DPP6: variants seen among roughly 807,000 people sequenced by gnomAD.
DPP6 encodes dipeptidyl peptidase like 6.
Under a neutral mutation model 122.6 loss-of-function variants are expected in DPP6, and 69 were observed. That is an observed-to-expected ratio of 0.56 (90% CI 0.46 to 0.69). The LOEUF (loss-of-function observed/expected upper bound fraction) is 0.69, where lower values mean the gene tolerates loss of function less well. Ranked by LOEUF, DPP6 falls within the 30% of genes least tolerant of loss-of-function variation. The pLI is 0.00. For synonymous variants in DPP6, 418 were observed against 433.1 expected (o/e 0.97, Z 0.43); for missense variants, 928 against 1,116.9 (o/e 0.83, Z 2.41).
At chr7:154,794,794 A>T (rs1019773500) in intron 11 of DPP6, among the ~76,000 whole-genome samples, 1 of 4,558 alleles carries the variant, frequency 2.2e-4, no homozygotes, top group Non-Finnish European at 5.7e-4. Flanking sequence ...CCACGGCCTC[A>T]CCCTCGCCCC....
At chr7:154,296,841 T>C (rs1805571871) in intron 1 of DPP6, among the ~76,000 whole-genome samples, 1 of 152,240 alleles carries the variant, frequency 6.6e-6, no homozygotes, top group South Asian at 2.1e-4. Flanking sequence ...TAGAATTGGA[T>C]ACTGAGCCCT....
At chr7:153,917,682 A>G (rs1464873427) in intron 1 of DPP6, among the ~76,000 whole-genome samples, 1 of 152,208 alleles carries the variant, frequency 6.6e-6, no homozygotes, top group Non-Finnish European at 1.5e-5. Flanking sequence ...CTTCTCGAAG[A>G]TTCAAATTTC....
At chr7:154,846,208 TATAA>T (rs1801933322) in intron 16 of DPP6, among the ~76,000 whole-genome samples, 2 of 150,060 alleles carry the variant, frequency 1.3e-5, no homozygotes, top group African/African-American at 4.9e-5. Context: ...TATAAATATA[TATAA>T]ATAAATTATA....
chr7:154,629,703 A>T (rs1586767595), intron 5 of DPP6, among the ~76,000 whole-genome samples: 1 of 152,220 alleles, frequency 6.6e-6, no homozygotes, highest in Non-Finnish European at 1.5e-5. Context: ...GCATGCACCC[A>T]TTCCAGAGGA....
chr7:153,922,551 C>T (rs1800688061), intron 1 of DPP6, among the ~76,000 whole-genome samples: 1 of 152,176 alleles, frequency 6.6e-6, no homozygotes, highest in South Asian at 2.1e-4. Context: ...ACCAGCTTAA[C>T]TGCATTTCTC....
chr7:154,646,533 A>G (rs1317785003), intron 6 of DPP6, among the ~76,000 whole-genome samples: 1 of 152,194 alleles, frequency 6.6e-6, no homozygotes. Context: ...AAAAAACCTG[A>G]ATGCTGAGAG....
chr7:154,160,629 G>T (rs3115185), intron 1 of DPP6, among the ~76,000 whole-genome samples: 17 of 152,128 alleles, frequency 1.1e-4, no homozygotes, highest in South Asian at 4.2e-4. Flanking sequence ...TGCTGAGGAG[G>T]GGGTGGGAAA....
chr7:153,823,249 T>C, the DPP6 span, among the ~76,000 whole-genome samples: 20 of 151,880 alleles, frequency 1.3e-4, no homozygotes, highest in African/African-American at 4.9e-4. Flanking sequence ...CTTTGCTCTC[T>C]GTGAGTCTTG....
In DPP6 at chr7:154,863,894, A is replaced by C. The variant is rs1283979939; in HGVS notation, c.1715-4101A>C. On this transcript the variant is annotated intron_variant, in intron 17 of 25. Coordinates refer to ENST00000377770, the MANE Select transcript of DPP6 (RefSeq NM_130797.4). The surrounding 1 kb of genome is among the most constrained non-coding windows in gnomAD (Gnocchi z 4.1). ...AGTAGTCATGCGGGCTCTGGGCCTG[A>C]ATCTGGTCTTCGAATATGACTAATG... is the stretch of plus-strand genomic sequence containing the variant. Among the ~76,000 whole-genome samples, 1 of 152,152 alleles carries C rather than the reference A, an allele frequency of 6.6e-6. No homozygotes were observed. Among genetic ancestry groups the C allele is most frequent in the Non-Finnish European group, 1.5e-5 (1 of 68,040 alleles).
chr7:154,004,377 C>G (rs1420696718), intron 1 of DPP6, among the ~76,000 whole-genome samples: 8 of 152,098 alleles, frequency 5.3e-5, no homozygotes, highest in Admixed American at 2.6e-4. Flanking sequence ...GTGCCAAGAA[C>G]CTCGTAAACT....
In DPP6 at chr7:154,773,987, C is replaced by G. The variant is rs28564409; in HGVS notation, c.1136+1045C>G. Reference sequence around the variant, plus strand: ...CCGAGGCCTCTGCAGAATTCTACTGCGATTCCTTCCCCTCATCTTTCTTCA... The same window carrying G: ...CCGAGGCCTCTGCAGAATTCTACTGGGATTCCTTCCCCTCATCTTTCTTCA... On this transcript the variant is annotated intron_variant, in intron 10 of 25. Transcript: ENST00000377770. 4.9e-4 allele frequency among the ~76,000 whole-genome samples: 75 copies of G among 152,274 alleles called. 1 individual carries two copies. The East Asian group carries it at 0.014, about 28-fold the overall frequency.
intron 8 of DPP6, among the ~76,000 whole-genome samples, chr7:154,749,471 G>A (rs1428943357): frequency 3.0e-5 from 4 of 134,020 alleles, no homozygotes; most frequent in African/African-American, 8.4e-5. Context: ...GAGAGGGTGA[G>A]AGAGCATAGG....
At chr7:154,389,706 C>T (rs951374072) in intron 1 of DPP6, among the ~76,000 whole-genome samples, 1 of 103,680 alleles carries the variant, frequency 9.6e-6, no homozygotes, top group African/African-American at 2.5e-5. Context: ...TACTAATTTT[C>T]CTTGCATTCT....
Position 154,465,925 on chromosome 7 carries a change from C to A in DPP6, c.359-9014C>A, listed in dbSNP as rs377306710. Among the ~76,000 whole-genome samples, 32 of 152,282 alleles carry A rather than the reference C, an allele frequency of 2.1e-4. No homozygotes were observed. In the South Asian group the frequency reaches 6.2e-3, roughly 30 times the overall value. On this transcript the variant is annotated intron_variant, in intron 2 of 25. Transcript: ENST00000377770. ...ATGCACTTGTATGTTTATTGCAGGACTATTCACAATAGCAAAGACTTGGAA... is the reference window on the plus strand; with the variant it reads ...ATGCACTTGTATGTTTATTGCAGGAATATTCACAATAGCAAAGACTTGGAA...
In DPP6 at chr7:154,656,501, G is replaced by A. The variant is rs1025126114; in HGVS notation, c.681-12859G>A. Among the ~76,000 whole-genome samples the A allele has an allele frequency of 3.3e-5, 5 of 152,132 alleles. 1 individual carries two copies. The highest frequency in any genetic ancestry group is 2.9e-5 in the Non-Finnish European group (2 of 68,014). ...GGGAGAGACCACCCAGGCCCAGCAC[G>A]GGGAGGCCACGGACTTTGGCACCTC... On this transcript the variant is annotated intron_variant, in intron 6 of 25. Transcript: ENST00000377770.
At chr7:153,767,549 T>TG in the DPP6 span, among the ~76,000 whole-genome samples, 1 of 150,730 alleles carries the variant, frequency 6.6e-6, no homozygotes, top group African/African-American at 2.4e-5. Context: ...TTTTTTTTTT[T>TG]TGTATTTTTA....
chr7:154,628,926 C>T (rs143421242), intron 5 of DPP6, among the ~76,000 whole-genome samples: 6 of 152,328 alleles, frequency 3.9e-5, no homozygotes, highest in South Asian at 4.1e-4. Flanking sequence ...CTGGTCTCAC[C>T]TCTCCTCATG....
At chr7:154,730,071 C>T (rs1338765686) in intron 8 of DPP6, among the ~76,000 whole-genome samples, 5 of 152,222 alleles carry the variant, frequency 3.3e-5, no homozygotes, top group African/African-American at 1.2e-4. Context: ...GCCCCCTGGA[C>T]TCAGTAGACT....
intron 12 of DPP6, among the ~76,000 whole-genome samples, chr7:154,798,794 G>A (rs1043184155): frequency 5.3e-5 from 8 of 152,252 alleles, no homozygotes; most frequent in South Asian, 4.1e-4. Flanking sequence ...TGTTTTTTTC[G>A]TAAAGGAATT....
Sources: gnomAD v4.1 joint callset for allele counts (sites outside exome capture counted in the v4.1 genomes callset) on GRCh38, gnomAD v4.1.1 for gene constraint, Gnocchi (gnomAD v3.1) non-coding constraint, MANE v1.5 for transcripts, NCBI Gene and HGNC (gene_info 2026-07-23, HGNC 2026-07-21) for gene names.